Variants in LINGO2 observed in about 807,000 individuals in gnomAD.
LINGO2 encodes leucine-rich repeat and immunoglobulin-like domain-containing nogo receptor-interacting protein 2.
In LINGO2, 14 loss-of-function variants were observed where a neutral mutation model predicts 30.6. That is an observed-to-expected ratio of 0.46 (90% confidence interval 0.30 to 0.72). The LOEUF is 0.72. LINGO2 is among the 30% of genes least tolerant of loss of function. The probability of loss-of-function intolerance (pLI) is 0.07; values close to 1 mark genes in which losing one functional copy is unlikely to be tolerated. For synonymous variants in LINGO2, 317 were observed against 288.5 expected (o/e 1.10, Z -1.00); for missense variants, 729 against 751.7 (o/e 0.97, Z 0.35).
the LINGO2 span, among the ~76,000 whole-genome samples, chr9:28,853,749 G>A: frequency 1.3e-5 from 2 of 151,862 alleles, no homozygotes; most frequent in African/African-American, 4.8e-5. Context: ...CAGATCTTGT[G>A]AGAACTCACT....
chr9:27,946,171 A>G (rs78528447), downstream of LINGO2, among the ~76,000 whole-genome samples: 1 of 152,076 alleles, frequency 6.6e-6, no homozygotes, highest in African/African-American at 2.4e-5. Context: ...GCCTGAAGAT[A>G]AACAATATTA....
chr9:28,246,115 A>G (rs1821988736), intron 4 of LINGO2, among the ~76,000 whole-genome samples: 1 of 152,134 alleles, frequency 6.6e-6, no homozygotes, highest in Non-Finnish European at 1.5e-5. Flanking sequence ...CAACTGGAAC[A>G]GAATAGAGAC....
At chr9:28,163,951 C>T (rs893593709) in intron 4 of LINGO2, among the ~76,000 whole-genome samples, 1 of 152,142 alleles carries the variant, frequency 6.6e-6, no homozygotes, top group Non-Finnish European at 1.5e-5. Context: ...TAACATTGAT[C>T]AAGATGTAAA....
At chr9:28,031,353 GTT>G (rs141386644) in intron 4 of LINGO2, among the ~76,000 whole-genome samples, 216 of 135,356 alleles carry the variant, frequency 1.6e-3, no homozygotes, top group African/African-American at 5.2e-3. Flanking sequence ...AAACAGGATG[GTT>G]TTTTTTTTTT....
chr9:28,803,620 C>A, the LINGO2 span, among the ~76,000 whole-genome samples: 211 of 151,924 alleles, frequency 1.4e-3, 1 homozygote, highest in African/African-American at 4.8e-3. Flanking sequence ...CAGTGAATTT[C>A]CTAAAGTAAC....
chr9:28,038,391 T>A (rs956172111), intron 4 of LINGO2, among the ~76,000 whole-genome samples: 1 of 152,186 alleles, frequency 6.6e-6, no homozygotes, highest in South Asian at 2.1e-4. Context: ...TATTCATAAA[T>A]TTTAAAAAAG....
chr9:28,709,273 C>G, the LINGO2 span, among the ~76,000 whole-genome samples: 1 of 151,970 alleles, frequency 6.6e-6, no homozygotes, highest in Admixed American at 6.6e-5. Context: ...GGATGCCTGA[C>G]TGGACATTCC....
chr9:28,697,651 T>C, the LINGO2 span, among the ~76,000 whole-genome samples: 1 of 151,876 alleles, frequency 6.6e-6, no homozygotes, highest in Non-Finnish European at 1.5e-5. Context: ...AGAAATATTA[T>C]TAAGGAAAAT....
chr9:29,178,654 T>G, the LINGO2 span, among the ~76,000 whole-genome samples: 3 of 152,120 alleles, frequency 2.0e-5, no homozygotes, highest in Non-Finnish European at 4.4e-5. Context: ...TTGGAAACTA[T>G]GTATATAGGG....
intron 1 of LINGO2, among the ~76,000 whole-genome samples, chr9:28,642,942 A>G (rs1279225472): frequency 6.6e-6 from 1 of 152,160 alleles, no homozygotes; most frequent in African/African-American, 2.4e-5. Context: ...GAATAAATTA[A>G]CAAAAGATCA....
At chr9:28,349,115 GT>G (rs2134431859) in intron 3 of LINGO2, among the ~76,000 whole-genome samples, 1 of 152,332 alleles carries the variant, frequency 6.6e-6, no homozygotes, top group South Asian at 2.1e-4. Context: ...AAGGAATGCA[GT>G]TCCTCACTAG....
chr9:28,830,787 TAC>T, the LINGO2 span, among the ~76,000 whole-genome samples: 8 of 152,150 alleles, frequency 5.3e-5, no homozygotes, highest in African/African-American at 1.9e-4. Context: ...TACATGCTCA[TAC>T]ACACACACAT....
chr9:28,946,758 A>G, the LINGO2 span, among the ~76,000 whole-genome samples: 1 of 152,098 alleles, frequency 6.6e-6, no homozygotes. Flanking sequence ...ATCTGCTCCC[A>G]CAGAAATGGT....
chr9:28,988,658 C>T, the LINGO2 span, among the ~76,000 whole-genome samples: 12 of 152,132 alleles, frequency 7.9e-5, no homozygotes, highest in Non-Finnish European at 1.5e-5. Flanking sequence ...TGGGGTAAGA[C>T]CAACACGGGC....
At chr9:28,278,852 T>C (rs1474639352) in intron 4 of LINGO2, among the ~76,000 whole-genome samples, 2 of 152,190 alleles carry the variant, frequency 1.3e-5, no homozygotes, top group Admixed American at 6.5e-5. Flanking sequence ...GCTCCATAGA[T>C]AGTGATTCCT....
At chr9:28,714,033 C>A in the LINGO2 span, among the ~76,000 whole-genome samples, 3 of 151,774 alleles carry the variant, frequency 2.0e-5, no homozygotes, top group African/African-American at 7.2e-5. Context: ...GTGATGCATG[C>A]CTGCAATCCC....
chr9:28,727,910 A>G, the LINGO2 span, among the ~76,000 whole-genome samples: 1,061 of 152,276 alleles, frequency 7.0e-3, 17 homozygotes, highest in African/African-American at 0.024. Context: ...AGGCAGAGAT[A>G]AAGAATGCTG....
chr9:28,940,747 G>C, the LINGO2 span, among the ~76,000 whole-genome samples: 3 of 152,124 alleles, frequency 2.0e-5, no homozygotes, highest in African/African-American at 7.2e-5. Flanking sequence ...ATTGCTGACA[G>C]GACTTTCATT....
At chr9:28,304,707 T>C (rs1188923571) in intron 3 of LINGO2, among the ~76,000 whole-genome samples, 2 of 152,118 alleles carry the variant, frequency 1.3e-5, no homozygotes, top group Non-Finnish European at 2.9e-5. Flanking sequence ...TACTTTTAGG[T>C]ATTTGTTTAG....
Sources: allele counts gnomAD v4.1 joint callset (sites outside exome capture counted in the v4.1 genomes callset), GRCh38; gene constraint gnomAD v4.1.1; transcripts MANE v1.5; gene names NCBI Gene and HGNC (gene_info 2026-07-23, HGNC 2026-07-21).